ATP10B: variants seen among roughly 807,000 people sequenced by gnomAD.
ATP10B encodes ATPase phospholipid transporting 10B (putative).
A neutral mutation model predicts 141.2 loss-of-function variants in ATP10B; 122 were observed. The observed-to-expected ratio is 0.86, with a 90% confidence interval of 0.75 to 1.00. The LOEUF (loss-of-function observed/expected upper bound fraction) is 1.00. Among genes scored for constraint, ATP10B ranks in the 50% least tolerant of loss-of-function variants. ATP10B has a pLI of 0.00. For missense variants in ATP10B, 1,876 were observed against 1,825.3 expected (o/e 1.03, Z -0.51); for synonymous variants, 685 against 692.0 (o/e 0.99, Z 0.16).
intron 3 of ATP10B, among the ~76,000 whole-genome samples, chr5:160,705,543 T>C (rs1764964849): frequency 6.6e-6 from 1 of 152,190 alleles, no homozygotes; most frequent in Admixed American, 6.5e-5. Context: ...ATTACAGGTG[T>C]GAGCCACCAT....
chr5:160,717,641 A>T (rs1265933673), intron 2 of ATP10B, among the ~76,000 whole-genome samples: 1 of 152,224 alleles, frequency 6.6e-6, no homozygotes, highest in Admixed American at 6.5e-5. Flanking sequence ...TCCTCACAAG[A>T]TCCCTGGCGC....
At chr5:160,643,436 C>T (rs1760025008) in intron 9 of ATP10B, among the ~76,000 whole-genome samples, 1 of 152,158 alleles carries the variant, frequency 6.6e-6, no homozygotes, top group Admixed American at 6.6e-5. Flanking sequence ...GTTCATGTAA[C>T]AACAGGTGCG....
chr5:160,568,898 C>T (rs1405140048), intron 25 of ATP10B, among the ~76,000 whole-genome samples: 1 of 152,170 alleles, frequency 6.6e-6, no homozygotes, highest in Non-Finnish European at 1.5e-5. Flanking sequence ...AGTCCCTGGG[C>T]ATGGATTATT....
intron 2 of ATP10B, among the ~76,000 whole-genome samples, chr5:160,743,786 C>T (rs1354560840): frequency 2.0e-5 from 3 of 152,104 alleles, no homozygotes; most frequent in Non-Finnish European, 2.9e-5. Flanking sequence ...AAATTCTCAG[C>T]TGGGATTTAT....
Position 160,649,235 on chromosome 5 carries a change from G to C in ATP10B, c.697C>G (p.Leu233Val), listed in dbSNP as rs1418279645. The C allele has an allele frequency of 6.2e-7, 1 of 1,613,926 alleles. No homozygotes were observed. The highest frequency in any genetic ancestry group is 8.5e-7 in the Non-Finnish European group (1 of 1,179,860). Reference protein sequence around the residue: ...SQQEVQFEPELFHNTIVCEKP... With the variant: ...SQQEVQFEPEVFHNTIVCEKP... ...TCACACACGATGGTATTGTGGAAAA[G>C]CTCTGGTTCGAACTGTACCTCCTGT... is the stretch of plus-strand genomic sequence containing the variant. Residue 233 changes from leucine (L) to valine (V), a missense_variant, in exon 8 of 26, where the codon CTT (leucine) becomes GTT (valine). By Grantham distance (32) the Leu-to-Val change is conservative. Coordinates refer to ENST00000327245, the MANE Select transcript of ATP10B (RefSeq NM_025153.3).
intron 1 of ATP10B, among the ~76,000 whole-genome samples, chr5:160,837,149 ATTGT>A (rs1478848534): frequency 3.3e-5 from 5 of 152,080 alleles, no homozygotes; most frequent in African/African-American, 1.2e-4. Context: ...AACACTACAA[ATTGT>A]TTGGTTATTA....
chr5:160,856,255 A>G (rs1753996697), upstream of ATP10B, among the ~76,000 whole-genome samples: 1 of 151,814 alleles, frequency 6.6e-6, no homozygotes, highest in South Asian at 2.1e-4. Flanking sequence ...TGTTATCAAC[A>G]TCGTGTAGTT....
chr5:160,774,305 T>C (rs1476793202), intron 2 of ATP10B, among the ~76,000 whole-genome samples: 1 of 152,192 alleles, frequency 6.6e-6, no homozygotes, highest in Non-Finnish European at 1.5e-5. Flanking sequence ...CCAGGCGTTA[T>C]CACATTTCCC....
chr5:160,893,209 C>A, the ATP10B span, among the ~76,000 whole-genome samples: 2 of 152,120 alleles, frequency 1.3e-5, 1 homozygote, highest in South Asian at 4.1e-4. Context: ...CCATTCACTC[C>A]CCTGAAAAGG....
At chr5:160,805,334 G>A (rs186611780) in intron 1 of ATP10B, among the ~76,000 whole-genome samples, 224 of 152,268 alleles carry the variant, frequency 1.5e-3, no homozygotes, top group African/African-American at 5.1e-3. Context: ...GCTCCTCAGC[G>A]TATCCACATT....
At chr5:160,873,102 T>TATA in the ATP10B span, among the ~76,000 whole-genome samples, 1 of 135,376 alleles carries the variant, frequency 7.4e-6, no homozygotes, top group Non-Finnish European at 1.6e-5. Flanking sequence ...TTTGGTTAGG[T>TATA]ATATTCCTAA....
At chr5:160,711,676 T>A (rs1389236498) in intron 3 of ATP10B, among the ~76,000 whole-genome samples, 1,815 of 37,232 alleles carry the variant, frequency 0.049, 614 homozygotes, top group African/African-American at 0.18. Flanking sequence ...AGAGAGGGCA[T>A]CCCTGTCTTG....
At chr5:160,727,738 G>A (rs1766458430) in intron 2 of ATP10B, among the ~76,000 whole-genome samples, 1 of 152,060 alleles carries the variant, frequency 6.6e-6, no homozygotes. Context: ...AAGTCCTTAT[G>A]CCAAAGGGAA....
intron 13 of ATP10B, 74 bp from the exon 14 acceptor site, chr5:160,622,659 G>T: frequency 7.4e-7 from 1 of 1,359,752 alleles, no homozygotes; most frequent in Non-Finnish European, 1.0e-6. Context: ...CACATGCCTG[G>T]GGAAAGGATG....
intron 7 of ATP10B, 103 bp downstream of exon 7, chr5:160,670,360 A>G: frequency 1.8e-6 from 2 of 1,101,848 alleles, no homozygotes; most frequent in Non-Finnish European, 2.7e-6. Context: ...GGAGGCATCT[A>G]CTACTTTCCC....
chr5:160,913,709 A>C, the ATP10B span, among the ~76,000 whole-genome samples: 1 of 152,112 alleles, frequency 6.6e-6, no homozygotes, highest in African/African-American at 2.4e-5. Flanking sequence ...TGTATTCTTT[A>C]TGCTCTTGCA....
chr5:160,878,856 G>C, the ATP10B span, among the ~76,000 whole-genome samples: 1 of 149,718 alleles, frequency 6.7e-6, no homozygotes, highest in Non-Finnish European at 1.5e-5. Flanking sequence ...ACACCAGTTA[G>C]AATGGCAATC....
intron 1 of ATP10B, among the ~76,000 whole-genome samples, chr5:160,819,264 G>A (rs1773921790): frequency 6.6e-6 from 1 of 152,058 alleles, no homozygotes. Context: ...GGCCAGGAGA[G>A]CATAGCATGA....
intron 13 of ATP10B, among the ~76,000 whole-genome samples, chr5:160,624,658 A>G (rs2127653638): frequency 6.6e-6 from 1 of 152,322 alleles, no homozygotes; most frequent in Middle Eastern, 3.4e-3. Flanking sequence ...CACATTTGTG[A>G]AACTCTTCTT....
Sources: gnomAD v4.1 joint callset for allele counts (sites outside exome capture counted in the v4.1 genomes callset) on GRCh38, gnomAD v4.1.1 for gene constraint, MANE v1.5 for transcripts, NCBI Gene and HGNC (gene_info 2026-07-23, HGNC 2026-07-21) for gene names.